The following CCPG1 variants were observed in gnomAD, a reference collection of about 807,000 sequenced individuals.
CCPG1 encodes the protein cell cycle progression 1, also known as cell cycle progression protein 1.
In CCPG1, 46 loss-of-function variants were observed where a neutral mutation model predicts 81.3. The ratio of observed to expected loss-of-function variants is 0.57; its 90% CI spans 0.45 to 0.72. The LOEUF is 0.72. Ranked by LOEUF, CCPG1 falls within the 30% of genes least tolerant of loss-of-function variation. The pLI, the probability that CCPG1 is intolerant of heterozygous loss-of-function variation, is 0.00. For synonymous variants in CCPG1, 330 were observed against 305.2 expected (o/e 1.08, Z -0.85); for missense variants, 902 against 937.6 (o/e 0.96, Z 0.50).
intron 1 of CCPG1, among the ~76,000 whole-genome samples, chr15:55,395,179 T>G (rs1427074747): frequency 2.0e-5 from 3 of 152,106 alleles, no homozygotes; most frequent in African/African-American, 7.2e-5. Context: ...AGAAAAAGAT[T>G]TCCCGCTGGC....
chr15:55,396,823 G>A (rs758756445), intron 1 of CCPG1, among the ~76,000 whole-genome samples: 9 of 152,162 alleles, frequency 5.9e-5, no homozygotes, highest in African/African-American at 1.7e-4. Context: ...AGAAATAGTA[G>A]CTATAAAGCT....
intron 2 of CCPG1, among the ~76,000 whole-genome samples, chr15:55,387,501 C>G (rs2056823763): frequency 6.6e-6 from 1 of 152,128 alleles, no homozygotes; most frequent in Admixed American, 6.5e-5. Context: ...CTAAACATAA[C>G]TACCTGAACC....
rs114400707 is a variant in CCPG1, at chr15:55,375,756, G to A, written c.454+1193C>T. On this transcript the variant is annotated intron_variant, in intron 5 of 8. Coordinates refer to ENST00000442196, the MANE Select transcript of CCPG1 (RefSeq NM_001204450.2). ...AGGTTGGCAATCTGGGTGCAGTGGCGCAATCTCAGCTCACTACAGCCTCAA... is the reference window on the plus strand; with the variant it reads ...AGGTTGGCAATCTGGGTGCAGTGGCACAATCTCAGCTCACTACAGCCTCAA... 9.8e-3 allele frequency among the ~76,000 whole-genome samples: 1,479 copies of A among 150,592 alleles called. 21 individuals carry two copies. Among genetic ancestry groups the A allele is most frequent in the African/African-American group, 0.034 (1,394 of 40,838 alleles).
chr15:55,369,777 G>C (rs1373085961), intron 6 of CCPG1, among the ~76,000 whole-genome samples: 3 of 152,080 alleles, frequency 2.0e-5, no homozygotes, highest in Non-Finnish European at 4.4e-5. Context: ...TTCTCATTTT[G>C]AAAGCACTTC....
intron 5 of CCPG1, among the ~76,000 whole-genome samples, chr15:55,374,883 T>C (rs576033791): frequency 1.3e-5 from 2 of 152,310 alleles, no homozygotes; most frequent in African/African-American, 4.8e-5. Context: ...CAGGCTGGTC[T>C]CAAACTCCTT....
chr15:55,394,400 C>T (rs1331720336), intron 1 of CCPG1, among the ~76,000 whole-genome samples: 1 of 152,170 alleles, frequency 6.6e-6, no homozygotes, highest in Non-Finnish European at 1.5e-5. Context: ...CTATATGAAA[C>T]AAGAAGTAGG....
rs2056165065 is a variant in CCPG1 at position 55,360,315 on chromosome 15, C to T, written c.1458G>A (p.Leu486=). ...CATCAAATGTTTCCTTAACTGAACC[C>T]AAAAATGTTTCCTTTGACTTATTTT... The part of the protein sequence containing the change: ...RAKNKSKETF[L]GSVKETFDAM... The change falls in exon 8 of 9, where the codon TTG becomes TTA. Residue 486 remains leucine, a synonymous_variant. Coordinates refer to ENST00000442196, the MANE Select transcript of CCPG1 (RefSeq NM_001204450.2). 1 of 1,613,730 alleles carries T rather than the reference C, an allele frequency of 6.2e-7. No homozygotes were observed.
chr15:55,363,871 T>C (rs2056262685), intron 7 of CCPG1, among the ~76,000 whole-genome samples: 1 of 141,578 alleles, frequency 7.1e-6, no homozygotes, highest in South Asian at 2.5e-4. Flanking sequence ...TAGTGTGATC[T>C]CAGCTTACTA....
Position 55,355,530 on chromosome 15 carries a change from A to C in CCPG1, c.*690T>G. ...GTAAGATTCATGGAACTTAGAAAAA[A>C]GCTGTATGAACTGCTTTACCAAATA... is the stretch of plus-strand genomic sequence containing the variant. On this transcript the variant is annotated 3_prime_UTR_variant, in exon 9 of 9. Coordinates refer to ENST00000442196, the MANE Select transcript of CCPG1 (RefSeq NM_001204450.2). The C allele has an allele frequency of 8.3e-6, 8 of 964,358 alleles. No individual in the cohort carries two copies. The South Asian group carries it at 1.4e-4, about 17-fold the overall frequency. The allele number at this position is 964,358 out of a possible 1,614,324, so 59.7% of individuals were successfully genotyped here. A position where few individuals can be genotyped will look rare whatever the true frequency, so the allele number is the denominator to read the frequency against.
chr15:55,397,724 C>T (rs1300080724), intron 1 of CCPG1, among the ~76,000 whole-genome samples: 4 of 152,118 alleles, frequency 2.6e-5, no homozygotes, highest in African/African-American at 9.7e-5. Context: ...CACCTGTAAT[C>T]CCAGCACTTT....
intron 1 of CCPG1, among the ~76,000 whole-genome samples, chr15:55,405,279 T>C (rs866808088): frequency 6.6e-6 from 1 of 151,998 alleles, no homozygotes. Context: ...GGAGAACCAC[T>C]TGAAACCAGG....
chr15:55,369,621 T>C (rs2056406831), intron 6 of CCPG1, among the ~76,000 whole-genome samples: 1 of 152,178 alleles, frequency 6.6e-6, no homozygotes, highest in African/African-American at 2.4e-5. Context: ...ACTAATCTCA[T>C]TACTATGTAG....
At chr15:55,361,687 A>G (rs1446149750) in intron 7 of CCPG1, among the ~76,000 whole-genome samples, 2 of 150,958 alleles carry the variant, frequency 1.3e-5, no homozygotes, top group Non-Finnish European at 2.9e-5. Flanking sequence ...GCCTGGCGAC[A>G]GAGCGAGACT....
At chr15:55,369,137 A>G (rs141047778) in intron 6 of CCPG1, among the ~76,000 whole-genome samples, 7 of 151,676 alleles carry the variant, frequency 4.6e-5, no homozygotes, top group Admixed American at 3.3e-4. Context: ...TATAAAGTGA[A>G]TGAATGACTA....
chr15:55,363,792 C>G (rs2056257370), intron 7 of CCPG1, among the ~76,000 whole-genome samples: 1 of 130,080 alleles, frequency 7.7e-6, no homozygotes, highest in Non-Finnish European at 1.6e-5. Flanking sequence ...ACTTTTCTTT[C>G]CTTTTCCTTT....
At chr15:55,366,408 G>A (rs574743726) in intron 6 of CCPG1, among the ~76,000 whole-genome samples, 9 of 151,878 alleles carry the variant, frequency 5.9e-5, no homozygotes, top group Non-Finnish European at 1.0e-4. Flanking sequence ...CCATTCTCAA[G>A]GCCAAATTTG....
intron 3 of CCPG1, among the ~76,000 whole-genome samples, chr15:55,382,870 A>G (rs973874484): frequency 8.5e-5 from 13 of 152,142 alleles, no homozygotes; most frequent in Non-Finnish European, 1.6e-4. Context: ...TCCTTCCTCC[A>G]TTAAAGTCTT....
intron 3 of CCPG1, among the ~76,000 whole-genome samples, chr15:55,383,411 T>C (rs1038031915): frequency 6.6e-6 from 1 of 152,206 alleles, no homozygotes; most frequent in Non-Finnish European, 1.5e-5. Flanking sequence ...CTAGGATTTC[T>C]CAAGGCATGG....
intron 1 of CCPG1, among the ~76,000 whole-genome samples, chr15:55,404,856 A>G (rs1391874160): frequency 1.3e-5 from 2 of 152,160 alleles, no homozygotes; most frequent in Non-Finnish European, 2.9e-5. Context: ...CGGATCACGC[A>G]TTCAGGAGAT....
Sources: allele counts gnomAD v4.1 joint callset (sites outside exome capture counted in the v4.1 genomes callset), GRCh38; gene constraint gnomAD v4.1.1; transcripts MANE v1.5; gene names NCBI Gene and HGNC (gene_info 2026-07-23, HGNC 2026-07-21).